Variants in FBXW7 observed in about 807,000 individuals in gnomAD.
FBXW7 encodes F-box/WD repeat-containing protein 7.
FBXW7 carries 11 observed loss-of-function variants against 86.3 expected under a neutral mutation model. The ratio of observed to expected loss-of-function variants is 0.13; its 90% CI spans 0.08 to 0.21. The LOEUF is 0.21. Among genes scored for constraint, FBXW7 ranks in the 10% least tolerant of loss-of-function variants. The pLI is 1.00. For synonymous variants in FBXW7, 313 were observed against 297.9 expected (o/e 1.05, Z -0.52); for missense variants, 488 against 847.4 (o/e 0.58, Z 5.27).
intron 2 of FBXW7, among the ~76,000 whole-genome samples, chr4:152,490,055 T>C (rs1179727601): frequency 1.3e-5 from 2 of 152,150 alleles, no homozygotes; most frequent in African/African-American, 2.4e-5. Flanking sequence ...GAAAATATTA[T>C]GCCAAATGAA....
At chr4:152,494,701 A>C (rs1298445315) in intron 2 of FBXW7, among the ~76,000 whole-genome samples, 1 of 152,128 alleles carries the variant, frequency 6.6e-6, no homozygotes, top group East Asian at 1.9e-4. Context: ...TTATTGTAGG[A>C]CCTGGAATGT....
chr4:152,517,977 C>T (rs1748653737), intron 2 of FBXW7, among the ~76,000 whole-genome samples: 1 of 151,994 alleles, frequency 6.6e-6, no homozygotes, highest in Non-Finnish European at 1.5e-5. Flanking sequence ...TCATTCAGCA[C>T]TCAATACTTA....
rs200195425 is a variant in FBXW7 at position 152,361,378 on chromosome 4, TA to T, written c.502-11255del. The stretch of plus-strand genomic sequence containing the variant: ...CTTTAACAAATTACATTATTTGCTT[TA>T]AAAAAAAATCAAGAATTCTATGACT... On this transcript the variant is annotated intron_variant, in intron 4 of 13. Coordinates refer to ENST00000281708, the MANE Select transcript of FBXW7 (RefSeq NM_001349798.2). Among the ~76,000 whole-genome samples, 10 of 151,680 alleles carry T rather than the reference TA, an allele frequency of 6.6e-5. No individual in the cohort carries two copies. In the East Asian group the frequency reaches 7.7e-4, roughly 12 times the overall value.
chr4:152,484,963 A>AC (rs939130593), intron 2 of FBXW7, among the ~76,000 whole-genome samples: 37 of 147,624 alleles, frequency 2.5e-4, no homozygotes, highest in Non-Finnish European at 9.1e-5. Flanking sequence ...CTCTGTCTCA[A>AC]AAAAAAAAAA....
At chr4:152,403,474 T>C (rs1737123642) in intron 4 of FBXW7, among the ~76,000 whole-genome samples, 1 of 141,534 alleles carries the variant, frequency 7.1e-6, no homozygotes, top group East Asian at 2.1e-4. Flanking sequence ...CCAGACTTCA[T>C]CTCAAAAAAA....
Position 152,417,313 on chromosome 4 carries a change from T to C in FBXW7, c.-119-4784A>G, listed in dbSNP as rs1738526896. On this transcript the variant is annotated intron_variant, in intron 2 of 13. Coordinates refer to ENST00000281708, the MANE Select transcript of FBXW7 (RefSeq NM_001349798.2). ...TCTTAGAGCCTCCTATTATTTTCTC[T>C]ATTTCAGTGAATGGAATCATATTCT... is the stretch of plus-strand genomic sequence containing the variant. Among the ~76,000 whole-genome samples, 3 of 152,324 alleles carry C rather than the reference T, an allele frequency of 2.0e-5. No individual in the cohort carries two copies. The South Asian group carries it at 6.2e-4, about 32-fold the overall frequency.
At chr4:152,390,241 T>TA (rs1735884632) in intron 4 of FBXW7, among the ~76,000 whole-genome samples, 2 of 152,050 alleles carry the variant, frequency 1.3e-5, no homozygotes, top group South Asian at 4.1e-4. Flanking sequence ...CTTTAGTTGT[T>TA]AAAATACTTT....
intron 2 of FBXW7, among the ~76,000 whole-genome samples, chr4:152,475,708 T>G (rs925267236): frequency 1.3e-5 from 2 of 152,180 alleles, no homozygotes; most frequent in African/African-American, 4.8e-5. Flanking sequence ...TTTTTATATA[T>G]CAGCAATAAG....
chr4:152,333,977 C>A (rs1331573290), intron 7 of FBXW7, among the ~76,000 whole-genome samples: 1 of 152,122 alleles, frequency 6.6e-6, no homozygotes, highest in Admixed American at 6.5e-5. Context: ...ACACTTGAAC[C>A]CAGCAGGTGG....
intron 4 of FBXW7, among the ~76,000 whole-genome samples, chr4:152,360,320 G>C (rs996273671): frequency 6.6e-6 from 1 of 152,100 alleles, no homozygotes; most frequent in Admixed American, 6.6e-5. Flanking sequence ...ATTCACACTA[G>C]AAATCATACA....
chr4:152,515,340 G>A (rs1340387594), intron 2 of FBXW7, among the ~76,000 whole-genome samples: 1 of 152,194 alleles, frequency 6.6e-6, no homozygotes, highest in Non-Finnish European at 1.5e-5. Context: ...GTGCAGGGAA[G>A]GATTTAACTG....
At chr4:152,463,329 A>T (rs1743127808) in intron 2 of FBXW7, among the ~76,000 whole-genome samples, 1 of 152,176 alleles carries the variant, frequency 6.6e-6, no homozygotes, top group Non-Finnish European at 1.5e-5. Flanking sequence ...ACTAGGAAAC[A>T]TGTCACCAGA....
At chr4:152,372,025 G>A (rs942173693) in intron 4 of FBXW7, among the ~76,000 whole-genome samples, 4 of 151,742 alleles carry the variant, frequency 2.6e-5, no homozygotes, top group African/African-American at 9.7e-5. Flanking sequence ...ATTTCCCATG[G>A]AAATACTGGG....
chr4:152,445,104 A>G (rs1741250299), intron 2 of FBXW7, among the ~76,000 whole-genome samples: 2 of 152,166 alleles, frequency 1.3e-5, no homozygotes, highest in Non-Finnish European at 2.9e-5. Context: ...AGGATTACCA[A>G]TGTGAGCCAC....
chr4:152,442,344 A>C (rs1390113678), intron 2 of FBXW7, among the ~76,000 whole-genome samples: 1 of 152,194 alleles, frequency 6.6e-6, no homozygotes, highest in Non-Finnish European at 1.5e-5. Context: ...GCAAAAACGA[A>C]ATCTATGGCT....
At chr4:152,410,365 A>T (rs1737834429) in intron 4 of FBXW7, among the ~76,000 whole-genome samples, 1 of 152,202 alleles carries the variant, frequency 6.6e-6, no homozygotes, top group African/African-American at 2.4e-5. Context: ...TTAGTGGTAG[A>T]GCCATCTGGC....
chr4:152,338,852 T>G (rs1516821), intron 6 of FBXW7, among the ~76,000 whole-genome samples: 12 of 152,170 alleles, frequency 7.9e-5, no homozygotes, highest in Non-Finnish European at 1.6e-4. Flanking sequence ...AAGTACCATT[T>G]TAAGAATTAT....
intron 4 of FBXW7, among the ~76,000 whole-genome samples, chr4:152,392,378 G>A (rs373534835): frequency 1.3e-5 from 2 of 152,076 alleles, no homozygotes; most frequent in South Asian, 2.1e-4. Flanking sequence ...CTGATGTGCT[G>A]GCTAAGTAGT....
intron 2 of FBXW7, among the ~76,000 whole-genome samples, chr4:152,532,895 T>C (rs1290279753): frequency 6.6e-6 from 1 of 152,152 alleles, no homozygotes; most frequent in South Asian, 2.1e-4. Context: ...AACATTACCA[T>C]AATTTTTTGG....
Sources: allele counts gnomAD v4.1 joint callset (sites outside exome capture counted in the v4.1 genomes callset), GRCh38; gene constraint gnomAD v4.1.1; transcripts MANE v1.5; gene names NCBI Gene and HGNC (gene_info 2026-07-23, HGNC 2026-07-21).